GPHN: variants seen among roughly 807,000 people sequenced by gnomAD.
The protein encoded by GPHN is gephyrin.
GPHN carries 17 observed loss-of-function variants against 95.5 expected under a neutral mutation model. That is an observed-to-expected ratio of 0.18 (90% CI 0.12 to 0.27). The LOEUF is 0.27. Among genes scored for constraint, GPHN ranks in the 10% least tolerant of loss-of-function variants. GPHN has a pLI of 1.00. For synonymous variants in GPHN, 320 were observed against 322.5 expected, an observed-to-expected ratio of 0.99 and a Z score of 0.08; for missense variants, 660 against 978.1, an observed-to-expected ratio of 0.67 and a Z score of 4.34.
chr14:67,693,033 C>A, the GPHN span: 2 of 1,612,808 alleles, frequency 1.2e-6, no homozygotes, highest in African/African-American at 1.3e-5. Flanking sequence ...GATGTACACA[C>A]CCCACTGGAC....
chr14:67,065,543 A>G (rs2076013301), intron 11 of GPHN, among the ~76,000 whole-genome samples: 1 of 152,032 alleles, frequency 6.6e-6, no homozygotes, highest in South Asian at 2.1e-4. Context: ...AAAGTCTCCC[A>G]TTATTATTGT....
intron 11 of GPHN, among the ~76,000 whole-genome samples, chr14:67,082,418 C>T (rs1424039903): frequency 6.6e-6 from 1 of 152,074 alleles, no homozygotes; most frequent in Non-Finnish European, 1.5e-5. Context: ...GGTCTTGACA[C>T]CCTTATCAGA....
chr14:67,209,324 A>G, the GPHN span, among the ~76,000 whole-genome samples: 1 of 152,174 alleles, frequency 6.6e-6, no homozygotes, highest in East Asian at 1.9e-4. Flanking sequence ...GAGAGAATAG[A>G]GAGTGAGAGT....
At chr14:67,404,121 C>T in the GPHN span, among the ~76,000 whole-genome samples, 18 of 151,846 alleles carry the variant, frequency 1.2e-4, no homozygotes, top group Non-Finnish European at 2.5e-4. Flanking sequence ...AGGAACACTG[C>T]TTATAATAAT....
At chr14:66,724,920 A>C (rs1385319180) in intron 2 of GPHN, among the ~76,000 whole-genome samples, 1 of 152,182 alleles carries the variant, frequency 6.6e-6, no homozygotes, top group Non-Finnish European at 1.5e-5. Context: ...CTGATATTGG[A>C]ATTTTGAACT....
the GPHN span, among the ~76,000 whole-genome samples, chr14:67,607,829 A>G: frequency 6.6e-6 from 1 of 152,328 alleles, no homozygotes; most frequent in Non-Finnish European, 1.5e-5. Flanking sequence ...TAATTTACCT[A>G]CTGGGGTGTT....
At chr14:66,722,374 T>C (rs1417584288) in intron 2 of GPHN, among the ~76,000 whole-genome samples, 3 of 152,166 alleles carry the variant, frequency 2.0e-5, no homozygotes, top group Admixed American at 6.6e-5. Flanking sequence ...AAGAAAAGTA[T>C]GTCATTTTAA....
the GPHN span, among the ~76,000 whole-genome samples, chr14:67,455,004 TA>T: frequency 6.6e-6 from 1 of 152,126 alleles, no homozygotes; most frequent in Admixed American, 6.5e-5. Flanking sequence ...CATGCACCAC[TA>T]TGGCTGGCTA....
chr14:66,947,191 A>G (rs901525552), intron 8 of GPHN, among the ~76,000 whole-genome samples: 2 of 151,976 alleles, frequency 1.3e-5, no homozygotes, highest in Non-Finnish European at 2.9e-5. Flanking sequence ...TTCTTTCCTC[A>G]GGGAATTTGC....
At chr14:66,775,136 C>G (rs1488816796) in intron 2 of GPHN, among the ~76,000 whole-genome samples, 3 of 151,630 alleles carry the variant, frequency 2.0e-5, no homozygotes. Flanking sequence ...AAGTAATAAG[C>G]ATAGTTTTTG....
At chr14:66,689,226 T>C (rs1370507638) in intron 2 of GPHN, among the ~76,000 whole-genome samples, 1 of 152,230 alleles carries the variant, frequency 6.6e-6, no homozygotes, top group East Asian at 1.9e-4. Context: ...TGTATCTAAC[T>C]TGGTGAGAGT....
At chr14:66,790,029 A>G (rs941323069) in intron 3 of GPHN, among the ~76,000 whole-genome samples, 3 of 152,212 alleles carry the variant, frequency 2.0e-5, no homozygotes, top group Admixed American at 1.3e-4. Context: ...CTGGGGTTTC[A>G]TGAGGAAAAC....
chr14:66,593,023 T>A (rs569944312), intron 1 of GPHN, among the ~76,000 whole-genome samples: 1 of 152,254 alleles, frequency 6.6e-6, no homozygotes, highest in African/African-American at 2.4e-5. Context: ...CTGGAAACTA[T>A]CATTCTCAGA....
intron 1 of GPHN, among the ~76,000 whole-genome samples, chr14:66,608,459 A>G (rs2062642550): frequency 6.6e-6 from 1 of 152,086 alleles, no homozygotes; most frequent in Non-Finnish European, 1.5e-5. Flanking sequence ...AATGTATATT[A>G]TGTGATTTTG....
the GPHN span, chr14:67,727,299 T>A: frequency 1.2e-6 from 1 of 808,508 alleles, no homozygotes; most frequent in Non-Finnish European, 2.1e-6. Flanking sequence ...GTAATATCTC[T>A]GTGGACTAAG....
the GPHN span, chr14:67,733,785 T>A: frequency 6.2e-7 from 1 of 1,613,408 alleles, no homozygotes; most frequent in East Asian, 2.2e-5. Flanking sequence ...GGGCCCGAAA[T>A]AACAAAACAG....
intron 1 of GPHN, among the ~76,000 whole-genome samples, chr14:66,652,364 C>CGT (rs1566764651): frequency 2.0e-5 from 3 of 151,774 alleles, no homozygotes; most frequent in African/African-American, 7.3e-5. Context: ...TAAGCAAATG[C>CGT]GTGTATACAA....
At chr14:66,802,765 A>T (rs1418385157) in intron 3 of GPHN, among the ~76,000 whole-genome samples, 1 of 152,072 alleles carries the variant, frequency 6.6e-6, no homozygotes, top group Non-Finnish European at 1.5e-5. Context: ...TAGGGCCTAG[A>T]ACGAGGACCT....
At chr14:67,576,278 C>A in the GPHN span, 1 of 642,720 alleles carries the variant, frequency 1.6e-6, no homozygotes. This position sits in a 1 kb window ranked among gnomAD's most constrained non-coding sequence, Gnocchi z 4.0. Context: ...CTGACTCATG[C>A]CAACCAAACT....
Sources: gnomAD v4.1 joint callset for allele counts (sites outside exome capture counted in the v4.1 genomes callset) on GRCh38, gnomAD v4.1.1 for gene constraint, Gnocchi (gnomAD v3.1) non-coding constraint, MANE v1.5 for transcripts, NCBI Gene and HGNC (gene_info 2026-07-23, HGNC 2026-07-21) for gene names.